XKR9: variants seen among roughly 807,000 people sequenced by gnomAD.
XKR9 encodes XK-related protein 9.
Under a neutral mutation model 32.0 loss-of-function variants are expected in XKR9, and 32 were observed. The observed-to-expected ratio is 1.00, with a 90% CI of 0.76 to 1.34. The LOEUF is 1.34. XKR9 is among the 40% of genes most tolerant of loss of function. The pLI is 0.00. For synonymous variants in XKR9, 168 were observed against 143.4 expected (o/e 1.17, Z -1.22); for missense variants, 546 against 429.7 (o/e 1.27, Z -2.39).
chr8:70,814,128 T>G, the XKR9 span, among the ~76,000 whole-genome samples: 1 of 151,910 alleles, frequency 6.6e-6, no homozygotes, highest in African/African-American at 2.4e-5. Flanking sequence ...AAATGAAGAG[T>G]TCATGTCCTT....
chr8:71,021,736 C>T, the XKR9 span, among the ~76,000 whole-genome samples: 81 of 152,130 alleles, frequency 5.3e-4, no homozygotes, highest in Middle Eastern at 0.014. Context: ...CTCCTGACCT[C>T]GTGATCCGCC....
chr8:70,848,023 T>C, the XKR9 span, among the ~76,000 whole-genome samples: 1 of 151,794 alleles, frequency 6.6e-6, no homozygotes, highest in African/African-American at 2.4e-5. Context: ...AAAAAGAAAA[T>C]TACAGGCTAA....
chr8:71,054,151 G>T, the XKR9 span, among the ~76,000 whole-genome samples: 2 of 152,146 alleles, frequency 1.3e-5, no homozygotes, highest in East Asian at 3.9e-4. Flanking sequence ...TTAACAGTAT[G>T]GTTGGTGCTT....
the XKR9 span, among the ~76,000 whole-genome samples, chr8:71,061,434 C>G: frequency 6.6e-6 from 1 of 152,210 alleles, no homozygotes; most frequent in Non-Finnish European, 1.5e-5. Flanking sequence ...CCAGTACCAT[C>G]TGGCCCATCA....
chr8:70,890,752 A>G, the XKR9 span, among the ~76,000 whole-genome samples: 1 of 151,794 alleles, frequency 6.6e-6, no homozygotes, highest in Non-Finnish European at 1.5e-5. Flanking sequence ...ATATTGTCCT[A>G]TAGTTTGTTG....
intron 2 of XKR9, among the ~76,000 whole-genome samples, chr8:70,750,208 A>C (rs183945059): frequency 6.6e-6 from 1 of 152,354 alleles, no homozygotes; most frequent in East Asian, 1.9e-4. Flanking sequence ...CTAACTAGAA[A>C]TATGAGGTCA....
the XKR9 span, among the ~76,000 whole-genome samples, chr8:70,933,762 T>C: frequency 6.6e-6 from 1 of 152,076 alleles, no homozygotes; most frequent in East Asian, 1.9e-4. Flanking sequence ...CTGATTTGAT[T>C]TTTATACTCT....
At chr8:71,005,329 T>A in the XKR9 span, among the ~76,000 whole-genome samples, 1 of 151,518 alleles carries the variant, frequency 6.6e-6, no homozygotes. Context: ...TTCGAGCAAT[T>A]CTTCTGCCTT....
chr8:70,732,065 T>G (rs987508031), intron 4 of XKR9, among the ~76,000 whole-genome samples: 1 of 152,140 alleles, frequency 6.6e-6, no homozygotes, highest in African/African-American at 2.4e-5. Flanking sequence ...GGAGCTGAAC[T>G]GAGACAGACA....
intron 3 of XKR9, among the ~76,000 whole-genome samples, chr8:70,700,576 G>T (rs1387999460): frequency 6.6e-6 from 1 of 152,128 alleles, no homozygotes; most frequent in East Asian, 1.9e-4. Flanking sequence ...GCCATGTGAG[G>T]TGTCAGTCTG....
rs770465757 is a variant in XKR9 at position 70,707,166 on chromosome 8, T to G, written c.493+13T>G. ...AATTTCAGTCAGTGTAAGTTTTTCT[T>G]AACTCCTTGTGTTAAATGGATGCCA... On this transcript the variant is annotated intron_variant, in intron 4 of 4. Coordinates refer to ENST00000408926, the MANE Select transcript of XKR9 (RefSeq NM_001011720.2). The G allele has an allele frequency of 4.4e-6, 7 of 1,606,594 alleles. No homozygotes were observed. Among genetic ancestry groups the G allele is most frequent in the Non-Finnish European group, 6.0e-6 (7 of 1,174,182 alleles).
the XKR9 span, among the ~76,000 whole-genome samples, chr8:70,845,782 A>C: frequency 4.5e-4 from 68 of 152,268 alleles, no homozygotes; most frequent in African/African-American, 1.4e-3. Flanking sequence ...AATAAAAAAA[A>C]CCAAAGCCCA....
chr8:70,777,028 T>G (rs993128412), intron 2 of XKR9, among the ~76,000 whole-genome samples: 3 of 150,568 alleles, frequency 2.0e-5, no homozygotes, highest in African/African-American at 7.3e-5. Context: ...TACATAGGTA[T>G]ACATGTGCCA....
At position 70,733,835 on chromosome 8, in the gene XKR9, C is replaced by A. The variant is rs1806756234; in HGVS notation, c.533C>A (p.Ser178Ter). Residue 178 changes from serine (S) to a stop codon, truncating the protein, a stop_gained, in exon 5 of 5, where the codon TCA becomes TAA. Coordinates refer to ENST00000408926, the MANE Select transcript of XKR9 (RefSeq NM_001011720.2). LOFTEE classifies it high-confidence loss of function. Reference protein sequence around the residue: ...IMVSCCAISWSTVDYQVALRK... With the variant: ...IMVSCCAISW Reference sequence around the variant, plus strand: ...GTCTCTTGCTGTGCTATTTCTTGGTCAACTGTTGATTATCAAGTAGCTTTA... The same window carrying A: ...GTCTCTTGCTGTGCTATTTCTTGGTAAACTGTTGATTATCAAGTAGCTTTA... The A allele has an allele frequency of 1.9e-6, 3 of 1,594,488 alleles. No homozygotes were observed. Among genetic ancestry groups the A allele is most frequent in the South Asian group, 2.3e-5 (2 of 86,004 alleles).
chr8:70,988,432 GA>G, the XKR9 span, among the ~76,000 whole-genome samples: 1 of 151,852 alleles, frequency 6.6e-6, no homozygotes, highest in Admixed American at 6.5e-5. Flanking sequence ...CTTCTCCTTG[GA>G]TTGAATGGCA....
At chr8:71,024,009 T>A in the XKR9 span, among the ~76,000 whole-genome samples, 65,834 of 152,018 alleles carry the variant, frequency 0.43, 15,314 homozygotes, top group Non-Finnish European at 0.53. Flanking sequence ...GAGTGCCCCA[T>A]GTCTCCAGCT....
At position 70,776,919 on chromosome 8, in the gene XKR9, T is replaced by TCTCTCTCTCTC. The variant is rs1466163794; in HGVS notation, n.353-12420_353-12419insCTCTCTCTCTC. Among the ~76,000 whole-genome samples the TCTCTCTCTCTC allele has an allele frequency of 5.0e-3, 349 of 69,858 alleles. 37 individuals are homozygous for TCTCTCTCTCTC. The highest frequency in any genetic ancestry group is 0.014 in the Middle Eastern group (2 of 148). 45.8% of individuals were successfully genotyped at this position (69,858 alleles called of 152,430 possible). On this transcript the variant is annotated intron_variant and non_coding_transcript_variant, in intron 2 of 3. Transcript: ENST00000520273. ...ACCTTGCATTTAGCAGGTTTTCTCT[T>TCTCTCTCTCTC]TCTTTCTCTCTCTCTCTCTCTCTCT...
chr8:70,856,422 ACTAT>A, the XKR9 span, among the ~76,000 whole-genome samples: 503 of 152,336 alleles, frequency 3.3e-3, 4 homozygotes, highest in African/African-American at 0.011. Context: ...AGAAGAGCTA[ACTAT>A]CCTAAATATA....
At chr8:70,766,763 T>C (rs1807381826) in intron 2 of XKR9, among the ~76,000 whole-genome samples, 1 of 152,224 alleles carries the variant, frequency 6.6e-6, no homozygotes, top group African/African-American at 2.4e-5. Flanking sequence ...TATTTTGAGA[T>C]ATGTTCCATC....
Sources: allele counts gnomAD v4.1 joint callset (sites outside exome capture counted in the v4.1 genomes callset), GRCh38; gene constraint gnomAD v4.1.1; transcripts MANE v1.5; gene names NCBI Gene and HGNC (gene_info 2026-07-23, HGNC 2026-07-21).